Variants in VPS13D observed in about 807,000 individuals in gnomAD.
The protein encoded by VPS13D is vacuolar protein sorting 13 homolog D.
A neutral mutation model predicts 461.9 loss-of-function variants in VPS13D; 187 were observed. That is an observed-to-expected ratio of 0.40 (90% CI 0.36 to 0.46). VPS13D has a LOEUF of 0.46. Ranked by LOEUF, VPS13D falls within the 20% of genes least tolerant of loss-of-function variation. VPS13D has a pLI of 0.60. For missense variants in VPS13D, 4,711 were observed against 5,364.9 expected (o/e 0.88, Z 3.81); for synonymous variants, 1,951 against 1,986.3 (o/e 0.98, Z 0.47).
At position 12,506,913 on chromosome 1, in the gene VPS13D, C is replaced by T. The variant is rs751198715; in HGVS notation, c.12855C>T (p.Tyr4285=). The T allele has an allele frequency of 4.3e-6, 7 of 1,614,142 alleles. No homozygotes were observed. In the East Asian group the frequency reaches 1.3e-4, roughly 31 times the overall value. ...TGCTCATCTCCTCCAAAGCTGTTTA[C>T]TTCCTGAAAAGTGGAGACTACGTGG... The part of the protein sequence containing the change: ...YCVLISSKAV[Y]FLKSGDYVDR... Residue 4285 remains tyrosine (Y), a synonymous_variant, in exon 69 of 70, where the codon TAC becomes TAT. Coordinates refer to ENST00000620676, the MANE Select transcript of VPS13D (RefSeq NM_015378.4).
intron 1 of VPS13D, among the ~76,000 whole-genome samples, chr1:12,230,849 G>T (rs1639946521): frequency 6.6e-6 from 1 of 152,004 alleles, no homozygotes; most frequent in South Asian, 2.1e-4. Flanking sequence ...TTCCCTCCAG[G>T]TTTTACTTGG....
intron 40 of VPS13D, among the ~76,000 whole-genome samples, chr1:12,340,856 A>G (rs758372541): frequency 1.3e-5 from 2 of 151,908 alleles, no homozygotes; most frequent in African/African-American, 2.4e-5. Context: ...CTGCCTCCCT[A>G]TTTGTGTGGC....
chr1:12,318,347 TG>T lies in VPS13D; in HGVS notation c.7414+11del. 6.2e-7 allele frequency: 1 copy of T among 1,600,492 alleles called. No individual in the cohort carries two copies. Among genetic ancestry groups the T allele is most frequent in the South Asian group, 1.1e-5 (1 of 90,720 alleles). Reference sequence around the variant, plus strand: ...AAGGTCAATGTAACAGGTGATTATATGTGGGTGTGATTCATTGGTGCTTAGT... The same window carrying T: ...AAGGTCAATGTAACAGGTGATTATATTGGGTGTGATTCATTGGTGCTTAGT... On this transcript the variant is annotated intron_variant, in intron 31 of 69. Coordinates refer to ENST00000620676, the MANE Select transcript of VPS13D (RefSeq NM_015378.4).
chr1:12,452,875 T>G (rs1338262588), intron 65 of VPS13D, among the ~76,000 whole-genome samples: 5 of 152,248 alleles, frequency 3.3e-5, no homozygotes, highest in Non-Finnish European at 7.3e-5. Context: ...GGTTGACTGT[T>G]AACAAGTGGC....
chr1:12,283,019 C>T lies in VPS13D; in HGVS notation c.4917C>T (p.Ala1639=). The change falls in exon 21 of 70, where the codon GCC becomes GCT. Residue 1639 remains alanine (A), a synonymous_variant. Coordinates refer to ENST00000620676, the MANE Select transcript of VPS13D (RefSeq NM_015378.4). The part of the protein sequence containing the change: ...VQLSGDLTLG[A]QGLVSLKFQD... ...TAAGTGGAGATCTGACTTTGGGGGC[C>T]CAAGGTCTTGTGAGCTTAAAGTTTC... The T allele has an allele frequency of 6.2e-7, 1 of 1,613,720 alleles. No homozygotes were observed. The highest frequency in any genetic ancestry group is 8.5e-7 in the Non-Finnish European group (1 of 1,179,890).
chr1:12,421,403 G>A (rs762190450), intron 65 of VPS13D, among the ~76,000 whole-genome samples: 40 of 152,182 alleles, frequency 2.6e-4, no homozygotes, highest in Non-Finnish European at 4.7e-4. Flanking sequence ...GTTTCTTTCT[G>A]CAGCATGAGT....
At chr1:12,271,185 C>G in intron 17 of VPS13D, 61 bp downstream of exon 17, 1 of 1,602,220 alleles carries the variant, frequency 6.2e-7, no homozygotes, top group African/African-American at 1.3e-5. Flanking sequence ...TTCTTTCCGT[C>G]AAGTCACTAC....
At chr1:12,351,908 T>C (rs1379315550) in intron 46 of VPS13D, among the ~76,000 whole-genome samples, 2 of 152,020 alleles carry the variant, frequency 1.3e-5, no homozygotes, top group Non-Finnish European at 2.9e-5. Flanking sequence ...CAAAATATTA[T>C]GAAATGCAAT....
chr1:12,326,008 T>A (rs1211869363), intron 35 of VPS13D, among the ~76,000 whole-genome samples: 1 of 151,020 alleles, frequency 6.6e-6, no homozygotes, highest in Non-Finnish European at 1.5e-5. Flanking sequence ...TTTTTTAAAA[T>A]TTTTTTTGGG....
At position 12,260,773 on chromosome 1, in the gene VPS13D, C is replaced by T; in HGVS notation, c.1191C>T (p.His397=). 1 of 1,614,164 alleles carries T rather than the reference C, an allele frequency of 6.2e-7. No homozygotes were observed. Among genetic ancestry groups the T allele is most frequent in the Non-Finnish European group, 8.5e-7 (1 of 1,180,022 alleles). The change falls in exon 11 of 70, where the codon CAC becomes CAT. Residue 397 remains histidine, a synonymous_variant. Coordinates refer to ENST00000620676, the MANE Select transcript of VPS13D (RefSeq NM_015378.4). ...GTGAACTGGTTCATGATCGATTTCA[C>T]AAACAGGAAGAACTAGCAGAGGTAA... is the stretch of plus-strand genomic sequence containing the variant. ...ILRELVHDRF[H]KQEELAESLR...
intron 67 of VPS13D, among the ~76,000 whole-genome samples, chr1:12,482,382 T>C (rs1645730400): frequency 6.6e-6 from 1 of 152,252 alleles, no homozygotes; most frequent in South Asian, 2.1e-4. Context: ...ATGGTAGAAA[T>C]TTGCACTCTT....
chr1:12,306,554 A>G (rs1331691564), intron 26 of VPS13D, among the ~76,000 whole-genome samples: 1 of 152,136 alleles, frequency 6.6e-6, no homozygotes, highest in Admixed American at 6.5e-5. Context: ...TATAGAAAGA[A>G]TGTCTCTTTT....
chr1:12,283,257 C>G lies in VPS13D; in HGVS notation c.5155C>G (p.Pro1719Ala). The change falls in exon 21 of 70, where the codon CCT (proline) becomes GCT (alanine). Residue 1719 changes from proline (P) to alanine (A), a missense_variant. This residue lies in a region of VPS13D where 4,411 missense variants were observed against 4,937.8 expected (regional missense o/e 0.89). Coordinates refer to ENST00000620676, the MANE Select transcript of VPS13D (RefSeq NM_015378.4). ...CCCCTCAGTGTCCAATGTGGAATATCCTGATATGCCTCGGTCTCTCCCTTC... is the reference window on the plus strand; with the variant it reads ...CCCCTCAGTGTCCAATGTGGAATATGCTGATATGCCTCGGTCTCTCCCTTC... ...SCPSVSNVEY[P>A]DMPRSLPSHM... 1 of 1,614,104 alleles carries G rather than the reference C, an allele frequency of 6.2e-7. No homozygotes were observed.
At chr1:12,346,582 C>CT (rs1307937381) in intron 43 of VPS13D, 23 bp from the exon 44 acceptor site, 3 of 1,612,084 alleles carry the variant, frequency 1.9e-6, no homozygotes, top group African/African-American at 1.3e-5. Flanking sequence ...TGTGCTGACT[C>CT]TAACTTTTGA....
chr1:12,318,643 G>T (rs927618893), intron 31 of VPS13D, among the ~76,000 whole-genome samples: 1 of 152,084 alleles, frequency 6.6e-6, no homozygotes. Context: ...GTAATTTGCC[G>T]TTTGATCTTT....
At chr1:12,309,314 G>T (rs1427621658) in intron 27 of VPS13D, among the ~76,000 whole-genome samples, 1 of 149,902 alleles carries the variant, frequency 6.7e-6, no homozygotes, top group Admixed American at 6.7e-5. Context: ...GGGTTCAAGC[G>T]ATTCTCCTTC....
chr1:12,286,763 A>AGTG (rs1014882451), intron 21 of VPS13D, among the ~76,000 whole-genome samples: 6 of 152,184 alleles, frequency 3.9e-5, no homozygotes, highest in Non-Finnish European at 8.8e-5. Flanking sequence ...AGCTGGTTCA[A>AGTG]GTGGTGGTGG....
chr1:12,253,824 C>T lies in VPS13D; in HGVS notation c.667C>T (p.Gln223Ter), dbSNP rs759124318. 5 of 1,613,470 alleles carry T rather than the reference C, an allele frequency of 3.1e-6. No individual in the cohort carries two copies. Among genetic ancestry groups the T allele is most frequent in the Non-Finnish European group, 3.4e-6 (4 of 1,179,566 alleles). ...GGGGGATTTGCCTCAGATGGAGTTA[C>T]AGGTACGATTTCGGCAGGGAGATTT... ...LLGDLPQMELQEAMARSMESR... is the reference protein window; with the variant it reads ...LLGDLPQMEL Residue 223 changes from glutamine (Q) to a stop codon, truncating the protein, a stop_gained and splice_region_variant, in exon 7 of 70, where the codon CAG becomes TAG. Transcript: ENST00000620676. LOFTEE classifies it high-confidence loss of function.
At chr1:12,406,937 G>A (rs926832563) in intron 63 of VPS13D, among the ~76,000 whole-genome samples, 1 of 152,212 alleles carries the variant, frequency 6.6e-6, no homozygotes, top group African/African-American at 2.4e-5. Context: ...AATGGTCAGA[G>A]TGAGAGGGTG....
Sources: allele counts gnomAD v4.1 joint callset (sites outside exome capture counted in the v4.1 genomes callset), GRCh38; gene constraint gnomAD v4.1.1; regional missense constraint gnomAD v4.1.1; transcripts MANE v1.5; gene names NCBI Gene and HGNC (gene_info 2026-07-23, HGNC 2026-07-21).